Variants in DENND1A observed in about 807,000 individuals in gnomAD.
DENND1A encodes DENN domain-containing protein 1A.
A neutral mutation model predicts 113.7 loss-of-function variants in DENND1A; 51 were observed. The observed-to-expected ratio is 0.45, with a 90% CI of 0.36 to 0.57. The LOEUF is 0.57. DENND1A is among the 20% of genes least tolerant of loss of function. DENND1A has a pLI of 0.00. For synonymous variants in DENND1A, 565 were observed against 570.8 expected (o/e 0.99, Z 0.14); for missense variants, 1,258 against 1,395.9 (o/e 0.90, Z 1.57).
chr9:123,877,004 G>A (rs563387603), intron 2 of DENND1A, among the ~76,000 whole-genome samples: 7 of 152,230 alleles, frequency 4.6e-5, no homozygotes, highest in African/African-American at 1.2e-4. Flanking sequence ...ATGTGTACAC[G>A]TGGTCATAGA....
chr9:123,629,768 C>T (rs1410333858), intron 10 of DENND1A, among the ~76,000 whole-genome samples: 1 of 152,150 alleles, frequency 6.6e-6, no homozygotes, highest in Admixed American at 6.5e-5. Context: ...ACAGTGAGCA[C>T]AAGTCTTAAG....
At chr9:123,485,614 G>T (rs1471029250) in intron 13 of DENND1A, 1 of 151,330 alleles carries the variant, frequency 6.6e-6, no homozygotes, top group Non-Finnish European at 1.5e-5. Context: ...TCCACCAGGG[G>T]ACACCGTGTG....
chr9:123,541,428 A>T lies in DENND1A; in HGVS notation c.993+16142T>A, dbSNP rs146854164. Among the ~76,000 whole-genome samples, 359 of 152,292 alleles carry T rather than the reference A, an allele frequency of 2.4e-3. 1 individual carries two copies. The highest frequency in any genetic ancestry group is 4.0e-3 in the Non-Finnish European group (272 of 68,018). ...GTTTCCCTTCAGAGAACAGATAATGACCTTTTAAGCTGGCAGCTGACTTGC... is the reference window on the plus strand; with the variant it reads ...GTTTCCCTTCAGAGAACAGATAATGTCCTTTTAAGCTGGCAGCTGACTTGC... On this transcript the variant is annotated intron_variant, in intron 13 of 23. Transcript: ENST00000394215.
intron 20 of DENND1A, among the ~76,000 whole-genome samples, chr9:123,409,874 A>G (rs558955265): frequency 1.3e-5 from 2 of 152,156 alleles, no homozygotes; most frequent in African/African-American, 2.4e-5. Flanking sequence ...GGCGGATCAC[A>G]AGGTCAGGAG....
chr9:123,769,397 A>G (rs1254294100), intron 4 of DENND1A, 117 bp downstream of exon 4: 2 of 905,038 alleles, frequency 2.2e-6, no homozygotes, highest in Non-Finnish European at 3.2e-6. Context: ...TCCTTGGAAC[A>G]CAGGTATCTT....
chr9:123,466,287 G>A (rs548362277), intron 13 of DENND1A, among the ~76,000 whole-genome samples: 10 of 151,922 alleles, frequency 6.6e-5, no homozygotes, highest in African/African-American at 1.7e-4. Context: ...ATGAGCCACC[G>A]TGCCTGCCTT....
intron 13 of DENND1A, among the ~76,000 whole-genome samples, chr9:123,523,247 A>C (rs533329260): frequency 5.9e-5 from 9 of 152,324 alleles, no homozygotes; most frequent in Admixed American, 3.9e-4. Context: ...TGACAGCAAC[A>C]GGATGGAGGC....
chr9:123,417,277 C>G (rs1046286982), intron 19 of DENND1A, among the ~76,000 whole-genome samples: 3 of 152,170 alleles, frequency 2.0e-5, no homozygotes, highest in African/African-American at 4.8e-5. Context: ...ACGTGAGGAC[C>G]CTGGTTTTCC....
chr9:123,590,272 A>G (rs7855329), intron 11 of DENND1A, among the ~76,000 whole-genome samples: 79,646 of 151,998 alleles, frequency 0.52, 24,611 homozygotes, highest in African/African-American at 0.87. Context: ...CCTAGTCTAC[A>G]GGCTTTTGGG....
At chr9:123,637,906 AATAAACAC>A (rs944524686) in intron 9 of DENND1A, among the ~76,000 whole-genome samples, 2 of 106,948 alleles carry the variant, frequency 1.9e-5, no homozygotes, top group African/African-American at 9.7e-5. Flanking sequence ...AAAGGGAAGG[AATAAACAC>A]ACACACACAC....
chr9:123,688,495 G>A (rs575526057), intron 5 of DENND1A, among the ~76,000 whole-genome samples: 1 of 152,274 alleles, frequency 6.6e-6, no homozygotes, highest in Non-Finnish European at 1.5e-5. Context: ...AGATTTGTGC[G>A]AGAAGTCATC....
intron 19 of DENND1A, among the ~76,000 whole-genome samples, chr9:123,439,393 G>A (rs7872778): frequency 0.12 from 19,025 of 152,246 alleles, 1,389 homozygotes; most frequent in African/African-American, 0.2. Context: ...GTAACCTGGA[G>A]CAAGAATTTT....
At chr9:123,626,882 C>A (rs2061246176) in intron 10 of DENND1A, among the ~76,000 whole-genome samples, 1 of 152,162 alleles carries the variant, frequency 6.6e-6, no homozygotes, top group African/African-American at 2.4e-5. Context: ...GGAGACAGCA[C>A]CCAGGCCCAG....
At chr9:123,774,944 C>T (rs1457968203) in intron 3 of DENND1A, among the ~76,000 whole-genome samples, 2 of 152,164 alleles carry the variant, frequency 1.3e-5, no homozygotes, top group Admixed American at 1.3e-4. Flanking sequence ...CCACTTTATA[C>T]ACCTTCATGA....
At chr9:123,687,914 G>A (rs952138342) in intron 5 of DENND1A, among the ~76,000 whole-genome samples, 1 of 152,202 alleles carries the variant, frequency 6.6e-6, no homozygotes, top group Non-Finnish European at 1.5e-5. Context: ...TAATTACATG[G>A]AAGCCCAGCA....
chr9:123,653,345 T>C (rs2062759640), intron 8 of DENND1A, among the ~76,000 whole-genome samples: 1 of 152,212 alleles, frequency 6.6e-6, no homozygotes, highest in South Asian at 2.1e-4. Context: ...TTGTGCAGTC[T>C]TCACAAAAAT....
At chr9:123,745,573 C>T (rs1167175139) in intron 5 of DENND1A, among the ~76,000 whole-genome samples, 1 of 152,192 alleles carries the variant, frequency 6.6e-6, no homozygotes, top group Admixed American at 6.5e-5. Flanking sequence ...CCCAATTTGG[C>T]ATTTATCCCA....
intron 12 of DENND1A, among the ~76,000 whole-genome samples, chr9:123,568,827 T>C (rs1193026644): frequency 6.7e-6 from 1 of 150,158 alleles, no homozygotes; most frequent in South Asian, 2.1e-4. Flanking sequence ...GGAAGGGGGG[T>C]GGGAAGTGTG....
intron 21 of DENND1A, among the ~76,000 whole-genome samples, chr9:123,403,100 G>A (rs950485200): frequency 2.0e-5 from 3 of 152,104 alleles, no homozygotes; most frequent in Non-Finnish European, 4.4e-5. Context: ...CTACTGACTC[G>A]GCATCTTCAG....
Sources: gnomAD v4.1 joint callset for allele counts (sites outside exome capture counted in the v4.1 genomes callset) on GRCh38, gnomAD v4.1.1 for gene constraint, MANE v1.5 for transcripts, NCBI Gene and HGNC (gene_info 2026-07-23, HGNC 2026-07-21) for gene names.